PRKG2: variants seen among roughly 807,000 people sequenced by gnomAD.
PRKG2 encodes cGMP-dependent protein kinase 2.
A neutral mutation model predicts 97.2 loss-of-function variants in PRKG2; 33 were observed. The observed-to-expected ratio is 0.34, with a 90% confidence interval of 0.26 to 0.45. PRKG2 has a LOEUF of 0.45. PRKG2 is among the 20% of genes least tolerant of loss of function. The pLI, the probability that PRKG2 is intolerant of heterozygous loss-of-function variation, is 1.00. For synonymous variants in PRKG2, 330 were observed against 321.8 expected (o/e 1.03, Z -0.27); for missense variants, 638 against 900.0 (o/e 0.71, Z 3.73).
intron 6 of PRKG2, among the ~76,000 whole-genome samples, chr4:81,159,090 A>G (rs1177438106): frequency 1.7e-4 from 26 of 152,184 alleles, no homozygotes; most frequent in Admixed American, 1.7e-3. Flanking sequence ...CAATGGCAAC[A>G]AAAGCCAAAA....
At chr4:81,101,208 A>G (rs1191005489) in intron 17 of PRKG2, among the ~76,000 whole-genome samples, 1 of 152,044 alleles carries the variant, frequency 6.6e-6, no homozygotes, top group African/African-American at 2.4e-5. Flanking sequence ...CAGCCATCCC[A>G]TTACTGGGTA....
At chr4:81,191,793 CA>C (rs1752546604) in intron 2 of PRKG2, among the ~76,000 whole-genome samples, 1 of 152,098 alleles carries the variant, frequency 6.6e-6, no homozygotes, top group African/African-American at 2.4e-5. Context: ...TGAGACACCA[CA>C]AAATGTCCAG....
At chr4:81,200,750 C>A (rs1238729188) in intron 2 of PRKG2, among the ~76,000 whole-genome samples, 1 of 152,128 alleles carries the variant, frequency 6.6e-6, no homozygotes, top group Non-Finnish European at 1.5e-5. Flanking sequence ...GCTCCAAGGT[C>A]TTCTGATGTT....
chr4:81,103,031 T>A (rs897732828), intron 17 of PRKG2, among the ~76,000 whole-genome samples: 14 of 152,230 alleles, frequency 9.2e-5, no homozygotes, highest in Admixed American at 7.9e-4. Flanking sequence ...GTAATTTTTT[T>A]ATCTGTGAAT....
chr4:81,104,400 T>G lies in PRKG2; in HGVS notation c.2096A>C (p.Lys699Thr), dbSNP rs376309288. 2.0e-6 allele frequency: 3 copies of G among 1,481,026 alleles called. No homozygotes were observed. Among genetic ancestry groups the G allele is most frequent in the Non-Finnish European group, 2.7e-6 (3 of 1,112,364 alleles). 91.7% of individuals were successfully genotyped at this position (1,481,026 alleles called of 1,614,324 possible). A position where few individuals can be genotyped will look rare whatever the true frequency, so the allele number is the denominator to read the frequency against. Residue 699 changes from lysine (K) to threonine (T), a missense_variant, in exon 17 of 19, where the codon AAG (lysine) becomes ACG (threonine). This residue lies in a region of PRKG2 where 304 missense variants were observed against 460.5 expected (regional missense o/e 0.66). Coordinates refer to ENST00000264399, the MANE Select transcript of PRKG2 (RefSeq NM_006259.3). ...QNPTERLGNL[K>T]NGINDIKKHR... Reference sequence around the variant, plus strand: ...TTTCTTAATGTCATTTATTCCATTCTTCAGATTTCCCAGCCTTTCTGTTGG... The same window carrying G: ...TTTCTTAATGTCATTTATTCCATTCGTCAGATTTCCCAGCCTTTCTGTTGG...
At chr4:81,201,021 A>G (rs1753276863) in intron 2 of PRKG2, among the ~76,000 whole-genome samples, 1 of 152,170 alleles carries the variant, frequency 6.6e-6, no homozygotes, top group East Asian at 1.9e-4. Context: ...TCTCACAGGC[A>G]TAGACTCATT....
At chr4:81,104,303 G>T in intron 17 of PRKG2, 67 bp downstream of exon 17, 1 of 1,215,724 alleles carries the variant, frequency 8.2e-7, no homozygotes, top group Non-Finnish European at 1.1e-6. Flanking sequence ...CCTGAGAGAA[G>T]CTTTTGCAAG....
At position 81,089,571 on chromosome 4, in the gene PRKG2, C is replaced by G; in HGVS notation, c.*137G>C. On this transcript the variant is annotated 3_prime_UTR_variant, in exon 19 of 19. Transcript: ENST00000264399. Reference sequence around the variant, plus strand: ...ACCATATCCACACCATTCTCCTCTTCCCATTGTGCAGGAATTTCTTTTCCC... The same window carrying G: ...ACCATATCCACACCATTCTCCTCTTGCCATTGTGCAGGAATTTCTTTTCCC... 1.6e-6 allele frequency: 1 copy of G among 621,038 alleles called. No individual in the cohort carries two copies. The highest frequency in any genetic ancestry group is 2.8e-6 in the Non-Finnish European group (1 of 361,380). 38.5% of individuals were successfully genotyped at this position (621,038 alleles called of 1,614,324 possible).
At chr4:81,178,441 T>A (rs1751119533) in intron 2 of PRKG2, among the ~76,000 whole-genome samples, 1 of 152,094 alleles carries the variant, frequency 6.6e-6, no homozygotes. Flanking sequence ...GATCAATATA[T>A]TGCAGCTATC....
Position 81,151,821 on chromosome 4 carries a change from G to T in PRKG2, c.1085+139C>A, listed in dbSNP as rs182503879. 1.1e-4 allele frequency: 70 copies of T among 644,606 alleles called. 1 individual carries two copies. In the Admixed American group the frequency reaches 1.9e-3, roughly 18 times the overall value. The allele number at this position is 644,606 out of a possible 1,614,324, so 39.9% of individuals were successfully genotyped here. Reference sequence around the variant, plus strand: ...ACTCATTTCCCGCATAAAAATTTAAGAAATCACTTCAAAATATTTAATATT... The same window carrying T: ...ACTCATTTCCCGCATAAAAATTTAATAAATCACTTCAAAATATTTAATATT... On this transcript the variant is annotated intron_variant, in intron 8 of 18. Transcript: ENST00000264399.
intron 1 of PRKG2, among the ~76,000 whole-genome samples, chr4:81,213,060 A>G (rs1754087720): frequency 6.6e-6 from 1 of 152,202 alleles, no homozygotes. Flanking sequence ...TGTATGGGCT[A>G]GACACTGTGG....
In PRKG2 at chr4:81,187,969, C is replaced by A. The variant is rs571871520; in HGVS notation, c.462-13010G>T. ...TTCAGGACATAGGCATGGGCAAGGA[C>A]TTCATGTCTAAAACACCAAAAGCAA... On this transcript the variant is annotated intron_variant, in intron 2 of 18. Coordinates refer to ENST00000264399, the MANE Select transcript of PRKG2 (RefSeq NM_006259.3). 3.3e-5 allele frequency among the ~76,000 whole-genome samples: 5 copies of A among 152,228 alleles called. No individual in the cohort carries two copies. The South Asian group carries it at 1.0e-3, about 32-fold the overall frequency.
At chr4:81,209,090 G>T (rs1753834881) in intron 1 of PRKG2, among the ~76,000 whole-genome samples, 1 of 152,214 alleles carries the variant, frequency 6.6e-6, no homozygotes, top group Non-Finnish European at 1.5e-5. Context: ...TTCGCTAGAA[G>T]AGAGGAAACT....
chr4:81,105,013 G>A (rs1473693876), intron 16 of PRKG2, among the ~76,000 whole-genome samples: 5 of 152,078 alleles, frequency 3.3e-5, no homozygotes, highest in Non-Finnish European at 7.4e-5. Flanking sequence ...AAGATGGAAA[G>A]AGGTCATATA....
At chr4:81,127,356 T>C (rs562202637) in intron 14 of PRKG2, among the ~76,000 whole-genome samples, 1 of 152,332 alleles carries the variant, frequency 6.6e-6, no homozygotes, top group East Asian at 1.9e-4. Flanking sequence ...ACAGGCTCTT[T>C]TTTGGTTCCA....
chr4:81,171,764 G>T lies in PRKG2; in HGVS notation c.669C>A (p.Ser223=). The T allele has an allele frequency of 6.2e-7, 1 of 1,611,120 alleles. No homozygotes were observed. The change falls in exon 4 of 19, where the codon TCC becomes TCA. Residue 223 remains serine (S), a synonymous_variant. Transcript: ENST00000264399. The part of the protein sequence containing the change: ...LEVFQGEKLL[S]SIPMWTTFGE... ...CAAATGTGGTCCACATAGGGATGGA[G>T]GACAGCAATTTCTCCCCTTGGAACA...
Position 81,169,743 on chromosome 4 carries a change from T to C in PRKG2, c.768A>G (p.Ala256=). The C allele has an allele frequency of 6.2e-7, 1 of 1,608,476 alleles. No homozygotes were observed. Among genetic ancestry groups the C allele is most frequent in the African/African-American group, 1.3e-5 (1 of 74,796 alleles). Residue 256 remains alanine (A), a synonymous_variant, in exon 5 of 19, where the codon GCA becomes GCG. Coordinates refer to ENST00000264399, the MANE Select transcript of PRKG2 (RefSeq NM_006259.3). ...VKAITNVKTW[A]LDREVFQNIM... Reference sequence around the variant, plus strand: ...TATTCTGGAATACCTCTCGATCTAGTGCCCATGTTTTAACATTGGTAATAG... The same window carrying C: ...TATTCTGGAATACCTCTCGATCTAGCGCCCATGTTTTAACATTGGTAATAG...
chr4:81,100,983 C>T (rs913954835), intron 17 of PRKG2, among the ~76,000 whole-genome samples: 1 of 152,018 alleles, frequency 6.6e-6, no homozygotes, highest in Non-Finnish European at 1.5e-5. Context: ...CATCACTGGC[C>T]ATCAGAGAAA....
intron 14 of PRKG2, among the ~76,000 whole-genome samples, chr4:81,133,284 A>G (rs977125224): frequency 2.0e-5 from 3 of 152,144 alleles, no homozygotes; most frequent in African/African-American, 7.2e-5. Context: ...ATCTGTCATT[A>G]CAAATTTGAT....
Sources: allele counts gnomAD v4.1 joint callset (sites outside exome capture counted in the v4.1 genomes callset), GRCh38; gene constraint gnomAD v4.1.1; regional missense constraint gnomAD v4.1.1; transcripts MANE v1.5; gene names NCBI Gene and HGNC (gene_info 2026-07-23, HGNC 2026-07-21).